CNTNAP2: variants seen among roughly 807,000 people sequenced by gnomAD.
CNTNAP2 encodes contactin associated protein 2.
CNTNAP2 carries 98 observed loss-of-function variants against 155.2 expected under a neutral mutation model. The observed-to-expected ratio is 0.63, with a 90% CI of 0.54 to 0.75. The LOEUF (loss-of-function observed/expected upper bound fraction) is 0.75. Ranked by LOEUF, CNTNAP2 falls within the 30% of genes least tolerant of loss-of-function variation. The pLI is 0.00. For synonymous variants in CNTNAP2, 651 were observed against 631.2 expected, an observed-to-expected ratio of 1.03 and a Z score of -0.47; for missense variants, 1,727 against 1,688.1, an observed-to-expected ratio of 1.02 and a Z score of -0.40.
chr7:148,360,139 G>A (rs957687584), intron 21 of CNTNAP2, among the ~76,000 whole-genome samples: 2 of 152,222 alleles, frequency 1.3e-5, no homozygotes, highest in African/African-American at 2.4e-5. Flanking sequence ...CAGCAAGGCA[G>A]TGACAAATGA....
At chr7:146,584,825 G>T (rs191294232) in intron 1 of CNTNAP2, among the ~76,000 whole-genome samples, 5 of 152,272 alleles carry the variant, frequency 3.3e-5, no homozygotes, top group Admixed American at 2.6e-4. Context: ...ATTATCCTTA[G>T]GGTCACTTTT....
At chr7:147,470,815 G>A (rs551436387) in intron 10 of CNTNAP2, among the ~76,000 whole-genome samples, 1 of 152,230 alleles carries the variant, frequency 6.6e-6, no homozygotes, top group South Asian at 2.1e-4. Context: ...AGGTAATTTA[G>A]AGGTTAATAT....
chr7:148,214,597 G>A (rs565039482), intron 18 of CNTNAP2, among the ~76,000 whole-genome samples: 114 of 152,188 alleles, frequency 7.5e-4, no homozygotes, highest in Non-Finnish European at 5.3e-4. Flanking sequence ...TTTTGAGATG[G>A]AGTCTCTCTC....
chr7:146,361,029 A>G (rs1017578682), intron 1 of CNTNAP2, among the ~76,000 whole-genome samples: 2 of 152,198 alleles, frequency 1.3e-5, no homozygotes, highest in South Asian at 4.1e-4. Flanking sequence ...TTAGTACCCT[A>G]TGTTAATTGC....
At chr7:146,933,923 T>A (rs1356531325) in intron 3 of CNTNAP2, among the ~76,000 whole-genome samples, 1 of 151,626 alleles carries the variant, frequency 6.6e-6, no homozygotes, top group African/African-American at 2.4e-5. Flanking sequence ...ATGGCAATCA[T>A]TAAAAAGTCA....
At chr7:147,886,668 C>T (rs1799605532) in intron 13 of CNTNAP2, among the ~76,000 whole-genome samples, 1 of 151,986 alleles carries the variant, frequency 6.6e-6, no homozygotes, top group Non-Finnish European at 1.5e-5. Flanking sequence ...AGACATTCAG[C>T]TTTCATGGGA....
At chr7:148,072,416 T>TA (rs149329152) in intron 15 of CNTNAP2, among the ~76,000 whole-genome samples, 22,678 of 151,548 alleles carry the variant, frequency 0.15, 2,199 homozygotes, top group East Asian at 0.45. Flanking sequence ...AAGGTATGTT[T>TA]AAAAAAAAAT....
At chr7:147,798,339 A>C (rs760806328) in intron 13 of CNTNAP2, among the ~76,000 whole-genome samples, 3 of 152,200 alleles carry the variant, frequency 2.0e-5, no homozygotes, top group Non-Finnish European at 4.4e-5. Flanking sequence ...TAGGTCAATT[A>C]GCATAGTTTT....
At chr7:147,618,511 G>T (rs912335370) in intron 12 of CNTNAP2, among the ~76,000 whole-genome samples, 1 of 151,834 alleles carries the variant, frequency 6.6e-6, no homozygotes, top group African/African-American at 2.4e-5. Context: ...GCAAATACAG[G>T]TGTATAGGAC....
At chr7:148,338,301 T>G (rs1798157377) in intron 21 of CNTNAP2, among the ~76,000 whole-genome samples, 2 of 152,242 alleles carry the variant, frequency 1.3e-5, no homozygotes, top group South Asian at 4.1e-4. Context: ...TGATTTGAAG[T>G]GTGTCATTCT....
At position 148,058,441 on chromosome 7, in the gene CNTNAP2, T is replaced by C. The variant is rs377670432; in HGVS notation, c.2384-59677T>C. 4.6e-5 allele frequency among the ~76,000 whole-genome samples: 7 copies of C among 152,296 alleles called. No homozygotes were observed. In the East Asian group the frequency reaches 9.6e-4, roughly 21 times the overall value. Reference sequence around the variant, plus strand: ...GCCTGGGAATGTCCTGGGTGGCTTGTAGGAGATGAGGATGCAGCTTGGGGC... The same window carrying C: ...GCCTGGGAATGTCCTGGGTGGCTTGCAGGAGATGAGGATGCAGCTTGGGGC... On this transcript the variant is annotated intron_variant, in intron 15 of 23. Coordinates refer to ENST00000361727, the MANE Select transcript of CNTNAP2 (RefSeq NM_014141.6).
chr7:146,311,176 T>C (rs1387024136), intron 1 of CNTNAP2, among the ~76,000 whole-genome samples: 3 of 152,214 alleles, frequency 2.0e-5, no homozygotes, highest in Non-Finnish European at 4.4e-5. Flanking sequence ...TGTGCTCCAA[T>C]AAATGTGATT....
chr7:147,447,784 T>C (rs1797765082), intron 10 of CNTNAP2, among the ~76,000 whole-genome samples: 1 of 151,756 alleles, frequency 6.6e-6, no homozygotes, highest in African/African-American at 2.4e-5. Context: ...ACAATGAATA[T>C]ATGTAAATAA....
At chr7:146,816,696 A>T (rs1342234982) in intron 2 of CNTNAP2, among the ~76,000 whole-genome samples, 3 of 151,522 alleles carry the variant, frequency 2.0e-5, no homozygotes, top group African/African-American at 7.3e-5. Context: ...TGCTATACAC[A>T]TGTTAGAAGC....
intron 12 of CNTNAP2, among the ~76,000 whole-genome samples, chr7:147,615,868 C>T (rs143469907): frequency 0.011 from 1,725 of 151,998 alleles, 33 homozygotes; most frequent in African/African-American, 0.034. Flanking sequence ...CACTTAAGTC[C>T]GTTGATGACT....
intron 1 of CNTNAP2, among the ~76,000 whole-genome samples, chr7:146,253,734 C>G (rs1357800182): frequency 6.6e-6 from 1 of 152,018 alleles, no homozygotes; most frequent in African/African-American, 2.4e-5. Context: ...TAAAAAATTG[C>G]TTCGTCAAAC....
intron 1 of CNTNAP2, among the ~76,000 whole-genome samples, chr7:146,475,747 G>A (rs1796867989): frequency 6.6e-6 from 1 of 152,150 alleles, no homozygotes; most frequent in Admixed American, 6.5e-5. Context: ...ATCTGAGATA[G>A]ATGGCAAATG....
At chr7:148,315,376 G>T (rs1198381399) in intron 21 of CNTNAP2, among the ~76,000 whole-genome samples, 1 of 152,184 alleles carries the variant, frequency 6.6e-6, no homozygotes, top group Non-Finnish European at 1.5e-5. Flanking sequence ...ACAGTCAAAG[G>T]GGGGTTGTTC....
intron 19 of CNTNAP2, among the ~76,000 whole-genome samples, chr7:148,227,101 G>A (rs1261155247): frequency 1.3e-5 from 2 of 152,164 alleles, no homozygotes; most frequent in African/African-American, 4.8e-5. Flanking sequence ...TTTGGGGACT[G>A]CAAGAGTAAG....
Sources: gnomAD v4.1 joint callset for allele counts (sites outside exome capture counted in the v4.1 genomes callset) on GRCh38, gnomAD v4.1.1 for gene constraint, MANE v1.5 for transcripts, NCBI Gene and HGNC (gene_info 2026-07-23, HGNC 2026-07-21) for gene names.